The following RELN variants were observed in gnomAD, a reference collection of about 807,000 sequenced individuals.
The protein encoded by RELN is reelin.
In RELN, 108 loss-of-function variants were observed where a neutral mutation model predicts 427.6. The observed-to-expected ratio is 0.25, with a 90% CI of 0.22 to 0.30. RELN has a LOEUF of 0.30. RELN is among the 10% of genes least tolerant of loss of function. The pLI is 1.00. For missense variants in RELN, 3,715 were observed against 4,302.8 expected, an observed-to-expected ratio of 0.86 and a Z score of 3.82; for synonymous variants, 1,524 against 1,513.4, an observed-to-expected ratio of 1.01 and a Z score of -0.16.
chr7:103,864,697 A>G (rs13243480), intron 2 of RELN, among the ~76,000 whole-genome samples: 21,847 of 152,124 alleles, frequency 0.14, 1,863 homozygotes, highest in East Asian at 0.34. Flanking sequence ...AAGTTAGCAG[A>G]AGGTAGAAAA....
At chr7:103,923,630 G>A (rs1020459647) in intron 1 of RELN, among the ~76,000 whole-genome samples, 2 of 152,110 alleles carry the variant, frequency 1.3e-5, no homozygotes. Flanking sequence ...TTTTGTGAGG[G>A]GTAGAGAGAG....
chr7:103,803,855 A>G (rs1792529418), intron 3 of RELN, among the ~76,000 whole-genome samples: 1 of 152,100 alleles, frequency 6.6e-6, no homozygotes, highest in African/African-American at 2.4e-5. Flanking sequence ...AGATGCAGTT[A>G]CAGGAAATGC....
chr7:103,773,399 C>T (rs111394654), intron 4 of RELN, among the ~76,000 whole-genome samples: 1 of 97,806 alleles, frequency 1.0e-5, no homozygotes, highest in African/African-American at 4.1e-5. Context: ...CGCTCCCTCC[C>T]TGTCTCTCTC....
intron 28 of RELN, among the ~76,000 whole-genome samples, chr7:103,587,446 A>C (rs1267749782): frequency 3.3e-5 from 5 of 152,082 alleles, no homozygotes; most frequent in Non-Finnish European, 7.4e-5. Context: ...CCTATGGAAA[A>C]CTCTCCTGGA....
chr7:103,749,583 T>C, intron 5 of RELN, 79 bp from the exon 6 acceptor site: 1 of 1,021,562 alleles, frequency 9.8e-7, no homozygotes, highest in Admixed American at 1.7e-5. Context: ...CAACATGCTG[T>C]ATTTATGAAG....
intron 16 of RELN, among the ~76,000 whole-genome samples, chr7:103,649,355 C>G (rs1369733782): frequency 2.0e-5 from 3 of 152,024 alleles, no homozygotes; most frequent in South Asian, 2.1e-4. Flanking sequence ...CACATGCTCT[C>G]ACTTATAAGC....
intron 12 of RELN, among the ~76,000 whole-genome samples, chr7:103,655,211 C>G (rs1227772578): frequency 1.3e-5 from 2 of 152,008 alleles, no homozygotes; most frequent in East Asian, 3.9e-4. Flanking sequence ...CTTAAGCCAC[C>G]ATTATCCTTC....
chr7:103,590,706 T>A (rs556824760), intron 27 of RELN, among the ~76,000 whole-genome samples: 2 of 152,298 alleles, frequency 1.3e-5, no homozygotes, highest in East Asian at 3.9e-4. Flanking sequence ...TTGGTGTACT[T>A]GTATGGAGGA....
At chr7:103,905,971 C>G (rs958569729) in intron 2 of RELN, among the ~76,000 whole-genome samples, 5 of 151,846 alleles carry the variant, frequency 3.3e-5, no homozygotes, top group African/African-American at 1.2e-4. Context: ...AGAGACCGAG[C>G]CAGAAAGAAT....
intron 8 of RELN, among the ~76,000 whole-genome samples, chr7:103,703,765 T>G (rs1834141939): frequency 6.6e-6 from 1 of 152,210 alleles, no homozygotes. Flanking sequence ...TTTTAAGGAT[T>G]TAAGCAGTTG....
chr7:103,837,708 GC>G (rs1793443952), intron 2 of RELN, among the ~76,000 whole-genome samples: 1 of 151,980 alleles, frequency 6.6e-6, no homozygotes, highest in African/African-American at 2.4e-5. Context: ...CACTGCCCCT[GC>G]CCCATGTTTG....
At chr7:103,865,955 C>A (rs1794188105) in intron 2 of RELN, among the ~76,000 whole-genome samples, 1 of 152,070 alleles carries the variant, frequency 6.6e-6, no homozygotes, top group Non-Finnish European at 1.5e-5. Context: ...GATATAACAC[C>A]TAAATCTGAT....
chr7:103,773,157 TTTC>T (rs1462290962), intron 4 of RELN, among the ~76,000 whole-genome samples: 2 of 123,238 alleles, frequency 1.6e-5, no homozygotes, highest in African/African-American at 6.0e-5. Flanking sequence ...TCTTTCTTTC[TTTC>T]TTTCTTTTTC....
At chr7:103,763,429 A>G (rs1791351374) in intron 4 of RELN, among the ~76,000 whole-genome samples, 1 of 152,206 alleles carries the variant, frequency 6.6e-6, no homozygotes, top group Admixed American at 6.5e-5. Flanking sequence ...CAAGGGATCC[A>G]AAGTGTAGTA....
intron 56 of RELN, among the ~76,000 whole-genome samples, chr7:103,496,298 C>T (rs1013541642): frequency 2.0e-5 from 3 of 152,122 alleles, no homozygotes; most frequent in Non-Finnish European, 4.4e-5. Flanking sequence ...ATATTTAAAG[C>T]CAGACATTGA....
At chr7:103,730,524 G>A (rs529875110) in intron 6 of RELN, among the ~76,000 whole-genome samples, 3 of 151,806 alleles carry the variant, frequency 2.0e-5, no homozygotes, top group African/African-American at 4.8e-5. Context: ...AAAGAAAACA[G>A]ATAAAGCTAT....
Position 103,497,898 on chromosome 7 carries a change from T to C in RELN, c.8872A>G (p.Ser2958Gly). The change falls in exon 55 of 65, where the codon AGT becomes GGT. Residue 2958 changes from serine to glycine, a missense_variant. This residue lies in a region of RELN where 1,310 missense variants were observed against 1,643.0 expected (regional missense o/e 0.80). Coordinates refer to ENST00000428762, the MANE Select transcript of RELN (RefSeq NM_005045.4). ...KFLQYWGRIG[S>G]ENNMTSCHRP... is the part of the protein sequence containing the mutation. ...TGGCAAGAGGTCATGTTGTTCTCAC[T>C]ACCGATGCGCCCCCAGTATTGCAGG... is the stretch of plus-strand genomic sequence containing the variant. The C allele has an allele frequency of 6.2e-7, 1 of 1,614,126 alleles. No homozygotes were observed. The highest frequency in any genetic ancestry group is 1.1e-5 in the South Asian group (1 of 91,086).
chr7:103,677,405 T>TATA (rs370333905), intron 11 of RELN, among the ~76,000 whole-genome samples: 2,524 of 134,368 alleles, frequency 0.019, 24 homozygotes, highest in East Asian at 0.034. Context: ...GAACTTAAAG[T>TATA]ATAATAATAA....
intron 57 of RELN, 77 bp from the exon 58 acceptor site, chr7:103,492,103 C>G: frequency 2.7e-6 from 3 of 1,115,316 alleles, no homozygotes; most frequent in Non-Finnish European, 4.0e-6. Context: ...TCCCATCCGT[C>G]CATTTATTAC....
Sources: allele counts gnomAD v4.1 joint callset (sites outside exome capture counted in the v4.1 genomes callset), GRCh38; gene constraint gnomAD v4.1.1; regional missense constraint gnomAD v4.1.1; transcripts MANE v1.5; gene names NCBI Gene and HGNC (gene_info 2026-07-23, HGNC 2026-07-21).